EMID1: variants seen among roughly 807,000 people sequenced by gnomAD.
EMID1 encodes the protein EMI domain-containing protein 1.
In EMID1, 40 loss-of-function variants were observed where a neutral mutation model predicts 60.6. The observed-to-expected ratio is 0.66, with a 90% CI of 0.51 to 0.86. The LOEUF (loss-of-function observed/expected upper bound fraction) is 0.86. EMID1 is among the 40% of genes least tolerant of loss of function. The pLI is 0.00. For missense variants in EMID1, 585 were observed against 597.1 expected (o/e 0.98, Z 0.21); for synonymous variants, 242 against 231.0 (o/e 1.05, Z -0.43).
intron 1 of EMID1, among the ~76,000 whole-genome samples, chr22:29,214,374 G>A (rs1054078578): frequency 1.3e-5 from 2 of 152,190 alleles, no homozygotes; most frequent in South Asian, 4.1e-4. Context: ...GCCATGGGGA[G>A]AAGCGGAGGA....
chr22:29,230,531 A>T (rs986779604), intron 5 of EMID1, among the ~76,000 whole-genome samples: 3 of 152,200 alleles, frequency 2.0e-5, no homozygotes, highest in African/African-American at 7.2e-5. Flanking sequence ...AATGCGTGTT[A>T]TGAATTGTGT....
intron 1 of EMID1, among the ~76,000 whole-genome samples, chr22:29,212,849 G>A (rs996885596): frequency 3.3e-5 from 5 of 152,196 alleles, no homozygotes; most frequent in Non-Finnish European, 4.4e-5. Context: ...ACAGGCATGA[G>A]CCACTGTGCC....
At chr22:29,252,525 G>A (rs562230121) in intron 13 of EMID1, among the ~76,000 whole-genome samples, 55 of 152,340 alleles carry the variant, frequency 3.6e-4, no homozygotes, top group African/African-American at 1.3e-3. Context: ...TCTGGAAATA[G>A]CTTTGGTCTG....
intron 3 of EMID1, 53 bp downstream of exon 3, chr22:29,215,683 CCCTG>C: frequency 1.4e-6 from 2 of 1,431,642 alleles, no homozygotes; most frequent in Non-Finnish European, 2.0e-6. Context: ...CCAGGTGCCT[CCCTG>C]CAGGTGCATG....
chr22:29,229,551 G>A (rs531060387), intron 5 of EMID1, among the ~76,000 whole-genome samples: 1 of 151,312 alleles, frequency 6.6e-6, no homozygotes, highest in South Asian at 2.1e-4. Flanking sequence ...GCCGAGGCAG[G>A]AGAATTGCTT....
At chr22:29,254,399 C>T in intron 14 of EMID1, 112 bp downstream of exon 14, 2 of 1,041,980 alleles carry the variant, frequency 1.9e-6, no homozygotes, top group Non-Finnish European at 3.0e-6. Context: ...GGAGAAGGTG[C>T]CTGCCCCAGG....
Position 29,259,065 on chromosome 22 carries a change from C to G in EMID1, c.*121C>G. The G allele has an allele frequency of 6.9e-7, 1 of 1,454,680 alleles. No homozygotes were observed. The highest frequency in any genetic ancestry group is 2.3e-4 in the Middle Eastern group (1 of 4,412). The allele number at this position is 1,454,680 out of a possible 1,614,324, so 90.1% of individuals were successfully genotyped here. On this transcript the variant is annotated 3_prime_UTR_variant, in exon 15 of 15. Transcript: ENST00000334018. ...ATGTCCTCAGGGTCCCTTCTGCCAT[C>G]TAGGCCTTAGGGGTAAGCAGGTCTC...
intron 13 of EMID1, among the ~76,000 whole-genome samples, chr22:29,248,709 C>T (rs1423345534): frequency 6.6e-6 from 1 of 152,038 alleles, no homozygotes; most frequent in Non-Finnish European, 1.5e-5. Context: ...GGTATGATGG[C>T]ATGTGCCTGT....
chr22:29,206,731 A>G (rs2039673487), intron 1 of EMID1, among the ~76,000 whole-genome samples: 1 of 152,012 alleles, frequency 6.6e-6, no homozygotes, highest in African/African-American at 2.4e-5. Context: ...GCCTTTACGG[A>G]GGAGCTCCCA....
At chr22:29,213,621 G>A (rs373720407) in intron 1 of EMID1, among the ~76,000 whole-genome samples, 10 of 152,152 alleles carry the variant, frequency 6.6e-5, no homozygotes, top group African/African-American at 2.4e-4. Context: ...TCTCTGTGAA[G>A]GCCGGGACAT....
intron 3 of EMID1, 130 bp from the exon 4 acceptor site, chr22:29,225,003 C>A: frequency 1.2e-6 from 1 of 865,402 alleles, no homozygotes; most frequent in Non-Finnish European, 1.8e-6. Flanking sequence ...AGATACATTG[C>A]CTCTCCTCTG....
At chr22:29,231,286 G>A (rs1213950577) in intron 6 of EMID1, 146 bp downstream of exon 6, 10 of 1,275,828 alleles carry the variant, frequency 7.8e-6, no homozygotes, top group South Asian at 3.1e-5. Flanking sequence ...TCTTAGACCC[G>A]CCTAAGAGGA....
chr22:29,218,359 T>A (rs1260900660), intron 3 of EMID1, among the ~76,000 whole-genome samples: 3 of 152,240 alleles, frequency 2.0e-5, no homozygotes, highest in Non-Finnish European at 4.4e-5. Flanking sequence ...GTTCACTTTG[T>A]GACGAATGAG....
chr22:29,209,657 C>T (rs2039808875), intron 1 of EMID1, among the ~76,000 whole-genome samples: 1 of 152,188 alleles, frequency 6.6e-6, no homozygotes, highest in African/African-American at 2.4e-5. Context: ...TGAGTAAAGC[C>T]CAGGGCTATT....
intron 1 of EMID1, among the ~76,000 whole-genome samples, chr22:29,213,554 T>C (rs1448754830): frequency 6.6e-6 from 1 of 152,056 alleles, no homozygotes; most frequent in African/African-American, 2.4e-5. Context: ...CTTCTGGTGG[T>C]CTGGGGTGGG....
intron 3 of EMID1, 98 bp from the exon 4 acceptor site, chr22:29,225,035 G>C: frequency 8.1e-7 from 1 of 1,229,890 alleles, no homozygotes; most frequent in South Asian, 1.3e-5. Flanking sequence ...CCTACGCTGA[G>C]GGCAGTAGGG....
At chr22:29,235,486 G>C (rs978677995) in intron 12 of EMID1, among the ~76,000 whole-genome samples, 1 of 151,632 alleles carries the variant, frequency 6.6e-6, no homozygotes, top group Non-Finnish European at 1.5e-5. Context: ...TGCTGTTTAT[G>C]TTCTATTTAT....
intron 3 of EMID1, chr22:29,216,757 A>T (rs1489521147): frequency 8.1e-6 from 6 of 737,052 alleles, no homozygotes; most frequent in Non-Finnish European, 9.9e-6. Context: ...GGCCATGGGG[A>T]TGGGGTTCAG....
rs1440373427 is a variant in EMID1 at position 29,226,482 on chromosome 22, C to T, written c.404-8C>T. The T allele has an allele frequency of 3.1e-6, 5 of 1,611,424 alleles. No homozygotes were observed. In the South Asian group the frequency reaches 3.3e-5, roughly 11 times the overall value. On this transcript the variant is annotated splice_region_variant and splice_polypyrimidine_tract_variant and intron_variant, in intron 4 of 14. Transcript: ENST00000334018. ...TGGCCCTGGCCCCAGCTTCCTCCCT[C>T]CCCGCAGGTTGTCTCAACTGCAGCA...
Sources: allele counts gnomAD v4.1 joint callset (sites outside exome capture counted in the v4.1 genomes callset), GRCh38; gene constraint gnomAD v4.1.1; transcripts MANE v1.5; gene names NCBI Gene and HGNC (gene_info 2026-07-23, HGNC 2026-07-21).